Variants in RAI2 observed in about 807,000 individuals in gnomAD.
The protein encoded by RAI2 is retinoic acid induced 2.
RAI2 carries 5 observed loss-of-function variants against 15.3 expected under a neutral mutation model. The observed-to-expected ratio is 0.33, with a 90% CI of 0.17 to 0.69. The LOEUF is 0.69. Ranked by LOEUF, RAI2 falls within the 30% of genes least tolerant of loss-of-function variation. The probability of loss-of-function intolerance (pLI) is 0.69; values close to 1 mark genes in which losing one functional copy is unlikely to be tolerated. For synonymous variants in RAI2, 191 were observed against 184.0 expected, an observed-to-expected ratio of 1.04 and a Z score of -0.31; for missense variants, 424 against 424.7, an observed-to-expected ratio of 1.00 and a Z score of 0.01.
chrX:17,841,012 G>C (rs2067391288), intron 1 of RAI2, among the ~76,000 whole-genome samples: 1 of 112,103 alleles, frequency 8.9e-6, no homozygotes, highest in South Asian at 3.7e-4. Flanking sequence ...TTGTTTGTGA[G>C]TGTTTATTTG....
Position 17,812,778 on chromosome X carries a change from G to C in RAI2, c.-24-10744C>G, listed in dbSNP as rs183437022. 5.4e-5 allele frequency among the ~76,000 whole-genome samples: 6 copies of C among 112,115 alleles called. No individual in the cohort carries two copies. The East Asian group carries it at 1.4e-3, about 26-fold the overall frequency. On this transcript the variant is annotated intron_variant, in intron 1 of 1. Transcript: ENST00000451717. Reference sequence around the variant, plus strand: ...GATGAGGGTAAGGATAAGAGGGAGAGAGAAAGCAAAGAGCCTTTTTGAGGT... The same window carrying C: ...GATGAGGGTAAGGATAAGAGGGAGACAGAAAGCAAAGAGCCTTTTTGAGGT...
chrX:17,839,066 C>T (rs1200531137), intron 1 of RAI2, among the ~76,000 whole-genome samples: 1 of 111,927 alleles, frequency 8.9e-6, no homozygotes, highest in African/African-American at 3.2e-5. Flanking sequence ...CAGAAACATC[C>T]CTCATGGACA....
At chrX:17,802,674 G>T (rs2066929454) in intron 1 of RAI2, among the ~76,000 whole-genome samples, 1 of 111,685 alleles carries the variant, frequency 9.0e-6, no homozygotes, top group Non-Finnish European at 1.9e-5. Flanking sequence ...TGACTTGCAT[G>T]AATGGTCATT....
intron 1 of RAI2, among the ~76,000 whole-genome samples, chrX:17,802,841 C>T (rs749410632): frequency 8.9e-6 from 1 of 111,760 alleles, no homozygotes; most frequent in African/African-American, 3.3e-5. Flanking sequence ...CACACTTTCT[C>T]AATGTCCTCG....
intron 1 of RAI2, among the ~76,000 whole-genome samples, chrX:17,802,683 T>C (rs928176450): frequency 6.3e-5 from 7 of 111,605 alleles, no homozygotes; most frequent in African/African-American, 2.3e-4. Context: ...TGAATGGTCA[T>C]TGGGTCCACT....
chrX:17,812,739 G>T (rs913160838), intron 1 of RAI2, among the ~76,000 whole-genome samples: 2 of 112,091 alleles, frequency 1.8e-5, no homozygotes, highest in African/African-American at 6.5e-5. Flanking sequence ...CATGGAAGAA[G>T]TGGAAGCGGA....
chrX:17,833,163 A>G (rs1020155187), intron 1 of RAI2, among the ~76,000 whole-genome samples: 1 of 112,136 alleles, frequency 8.9e-6, no homozygotes, highest in African/African-American at 3.2e-5. Context: ...ACATGGATGA[A>G]TCTTGAATAT....
chrX:17,830,500 TG>T (rs1471214647), intron 1 of RAI2, among the ~76,000 whole-genome samples: 9 of 110,804 alleles, frequency 8.1e-5, no homozygotes, highest in Non-Finnish European at 1.9e-5. Flanking sequence ...TTTTTTTTGT[TG>T]TTGTTTTTTT....
chrX:17,848,809 G>A (rs1281331289), intron 1 of RAI2, among the ~76,000 whole-genome samples: 1 of 112,424 alleles, frequency 8.9e-6, no homozygotes, highest in African/African-American at 3.2e-5. Context: ...ACAGCAAATT[G>A]GACAGCAAAT....
intron 1 of RAI2, among the ~76,000 whole-genome samples, chrX:17,805,045 G>A (rs2066961552): frequency 8.9e-6 from 1 of 112,904 alleles, no homozygotes; most frequent in African/African-American, 3.2e-5. Context: ...CCCAGCCAGA[G>A]GGGTCTTACA....
At chrX:17,860,148 T>A (rs1288119511) in intron 1 of RAI2, among the ~76,000 whole-genome samples, 2 of 111,376 alleles carry the variant, frequency 1.8e-5, no homozygotes, top group East Asian at 5.6e-4. Context: ...GCCCCAAACC[T>A]ACTCCAAGGA....
chrX:17,806,847 G>A (rs1204479590), intron 1 of RAI2, among the ~76,000 whole-genome samples: 1 of 110,771 alleles, frequency 9.0e-6, no homozygotes, highest in African/African-American at 3.3e-5. Flanking sequence ...ACATCTTCAC[G>A]TGGCCGGCAA....
chrX:17,859,911 C>T (rs746222013), intron 1 of RAI2, among the ~76,000 whole-genome samples: 1 of 112,686 alleles, frequency 8.9e-6, no homozygotes, highest in African/African-American at 3.2e-5. Context: ...TCCTCTCCTG[C>T]CTTTTTCATT....
intron 1 of RAI2, among the ~76,000 whole-genome samples, chrX:17,849,799 T>C (rs1460874437): frequency 8.9e-6 from 1 of 112,772 alleles, no homozygotes; most frequent in Non-Finnish European, 1.9e-5. Flanking sequence ...AGAAAGGTGG[T>C]ATCCTGACCC....
chrX:17,802,828 A>G (rs1198426119), intron 1 of RAI2, among the ~76,000 whole-genome samples: 1 of 111,703 alleles, frequency 9.0e-6, no homozygotes, highest in Non-Finnish European at 1.9e-5. Flanking sequence ...CTCATAGGTC[A>G]GGCACACTTT....
chrX:17,834,416 A>G (rs2067312285), intron 1 of RAI2, among the ~76,000 whole-genome samples: 1 of 110,507 alleles, frequency 9.0e-6, no homozygotes, highest in Non-Finnish European at 1.9e-5. Flanking sequence ...AATTATGATC[A>G]CCATAGTCTG....
At chrX:17,859,290 C>T (rs2067658102) in intron 1 of RAI2, among the ~76,000 whole-genome samples, 1 of 111,884 alleles carries the variant, frequency 8.9e-6, no homozygotes, top group Non-Finnish European at 1.9e-5. Context: ...ATTCTGATGA[C>T]TCCAAAGGAG....
At chrX:17,810,258 G>A (rs1346797029) in intron 1 of RAI2, among the ~76,000 whole-genome samples, 1 of 112,007 alleles carries the variant, frequency 8.9e-6, no homozygotes, top group African/African-American at 3.3e-5. Context: ...TAACACACGA[G>A]CTATAGAGTC....
chrX:17,828,381 A>G (rs1227940815), intron 1 of RAI2, among the ~76,000 whole-genome samples: 1 of 111,319 alleles, frequency 9.0e-6, no homozygotes, highest in Non-Finnish European at 1.9e-5. Context: ...GAAGCTAAGA[A>G]CAGCTCTGGC....
Sources: allele counts gnomAD v4.1 joint callset (sites outside exome capture counted in the v4.1 genomes callset), GRCh38; gene constraint gnomAD v4.1.1; transcripts MANE v1.5; gene names NCBI Gene and HGNC (gene_info 2026-07-23, HGNC 2026-07-21).